Variants in CEBPZOS observed in about 807,000 individuals in gnomAD.
The protein encoded by CEBPZOS is CEBPZ opposite strand, also known as protein CEBPZOS.
A neutral mutation model predicts 4.8 loss-of-function variants in CEBPZOS; 10 were observed. The ratio of observed to expected loss-of-function variants is 2.07; its 90% CI spans 1.28 to 3.52. The LOEUF is 3.52. Ranked by LOEUF, CEBPZOS falls within the 30% of genes most tolerant of loss-of-function variation. CEBPZOS has a pLI of 0.00. For missense variants in CEBPZOS, 98 were observed against 43.6 expected (o/e 2.25, Z -3.51); for synonymous variants, 25 against 14.2 (o/e 1.77, Z -1.72).
chr2:37,207,430 A>AAAACTGAAATTGT (rs1284592016), downstream of CEBPZOS, among the ~76,000 whole-genome samples: 8 of 152,228 alleles, frequency 5.3e-5, no homozygotes, highest in South Asian at 2.1e-4. Flanking sequence ...TAAACTTAAG[A>AAAACTGAAATTGT]AAACTGAAAT....
chr2:37,198,486 A>G (rs2287093), intron 1 of CEBPZOS: 44,873 of 152,008 alleles, frequency 0.3, 8,208 homozygotes, highest in Non-Finnish European at 0.39. Flanking sequence ...GATTACACCC[A>G]CCCTCAGGCA....
downstream of CEBPZOS, among the ~76,000 whole-genome samples, chr2:37,207,657 ACATT>A (rs1469732202): frequency 6.6e-6 from 1 of 152,208 alleles, no homozygotes; most frequent in Admixed American, 6.5e-5. Flanking sequence ...AAGCGGCACT[ACATT>A]TAGTAAGTTC....
At position 37,203,814 on chromosome 2, in the gene CEBPZOS, A is replaced by G. The variant is rs1677405738; in HGVS notation, c.*1954A>G. The G allele has an allele frequency of 6.6e-6, 1 of 152,046 alleles. No homozygotes were observed. The highest frequency in any genetic ancestry group is 2.4e-5 in the African/African-American group (1 of 41,384). 9.4% of individuals were successfully genotyped at this position (152,046 alleles called of 1,614,324 possible). On this transcript the variant is annotated 3_prime_UTR_variant, in exon 5 of 5. Transcript: ENST00000402297. ...GGGATCATATGACATGTGGTTTCCTATATCTGACTTTTTTCATTTAGCATA... is the reference window on the plus strand; with the variant it reads ...GGGATCATATGACATGTGGTTTCCTGTATCTGACTTTTTTCATTTAGCATA...
intron 2 of CEBPZOS, 65 bp from the exon 3 acceptor site, chr2:37,200,983 G>A (rs1677200208): frequency 7.1e-6 from 5 of 702,300 alleles, no homozygotes; most frequent in Non-Finnish European, 1.1e-5. Flanking sequence ...GCATTAAATT[G>A]TGGCTGTGTT....
At chr2:37,211,791 G>A in intron 4 of CEBPZOS, 1 of 1,356,232 alleles carries the variant, frequency 7.4e-7, no homozygotes, top group Non-Finnish European at 1.0e-6. Context: ...CAAACTTAAG[G>A]CTAAGGAAGT....
At chr2:37,208,926 A>G (rs1677627494), downstream of CEBPZOS, 1 of 152,140 alleles carries the variant, frequency 6.6e-6, no homozygotes, top group Non-Finnish European at 1.5e-5. Flanking sequence ...GATCTGATAA[A>G]TAAATCCAGC....
downstream of CEBPZOS, chr2:37,215,185 C>T (rs1255180198): frequency 5.7e-6 from 2 of 353,946 alleles, no homozygotes; most frequent in Non-Finnish European, 1.0e-5. Context: ...CAGTACATAG[C>T]TGTCAGTGCC....
downstream of CEBPZOS, among the ~76,000 whole-genome samples, chr2:37,215,951 T>TA (rs201108820): frequency 6.1e-3 from 682 of 111,498 alleles, no homozygotes; most frequent in Middle Eastern, 0.014. Context: ...GTAATAAAGT[T>TA]AAAAAAAAAA....
At chr2:37,199,926 T>C in intron 2 of CEBPZOS, 107 bp downstream of exon 2, 1 of 634,536 alleles carries the variant, frequency 1.6e-6, no homozygotes, top group Non-Finnish European at 2.9e-6. Flanking sequence ...TTCTTCAGAT[T>C]CAAGATATTA....
chr2:37,206,099 T>C (rs1355923948), downstream of CEBPZOS, among the ~76,000 whole-genome samples: 1 of 152,214 alleles, frequency 6.6e-6, no homozygotes, highest in Non-Finnish European at 1.5e-5. Flanking sequence ...TCCAATCTGC[T>C]GGGGCCCTGG....
chr2:37,199,393 C>G (rs930152806), intron 1 of CEBPZOS, among the ~76,000 whole-genome samples: 3 of 152,112 alleles, frequency 2.0e-5, no homozygotes, highest in African/African-American at 4.8e-5. Context: ...ATTATCTTCC[C>G]CATTCTGTTT....
downstream of CEBPZOS, among the ~76,000 whole-genome samples, chr2:37,214,141 T>C (rs1677808697): frequency 6.6e-6 from 1 of 152,218 alleles, no homozygotes; most frequent in Non-Finnish European, 1.5e-5. Context: ...CAATAAAAAG[T>C]AGCTGGAATC....
downstream of CEBPZOS, among the ~76,000 whole-genome samples, chr2:37,207,178 TAGAC>T (rs949381888): frequency 3.3e-5 from 5 of 152,108 alleles, no homozygotes; most frequent in Admixed American, 6.6e-5. Flanking sequence ...CCTAAGAAAT[TAGAC>T]AGATGGCAAC....
At chr2:37,207,551 T>C (rs931365122), downstream of CEBPZOS, among the ~76,000 whole-genome samples, 4 of 152,206 alleles carry the variant, frequency 2.6e-5, no homozygotes, top group African/African-American at 9.7e-5. Flanking sequence ...TGCTCTTGAA[T>C]GATCTTTGTG....
At chr2:37,208,831 T>C (rs1218888565), downstream of CEBPZOS, 1 of 151,906 alleles carries the variant, frequency 6.6e-6, no homozygotes, top group African/African-American at 2.4e-5. Context: ...TTCAAATCAG[T>C]AAAGAGGAAG....
rs1366281679 is a variant in CEBPZOS at position 37,201,968 on chromosome 2, C to T, written c.*108C>T. On this transcript the variant is annotated 3_prime_UTR_variant, in exon 5 of 5. Transcript: ENST00000402297. ...GTAGACTCTTGGTGGTCCCACAGAA[C>T]ATGCTGCTGAGTCACAGGAACTTCT... 1.3e-6 allele frequency: 2 copies of T among 1,490,466 alleles called. No individual in the cohort carries two copies. Among genetic ancestry groups the T allele is most frequent in the African/African-American group, 2.8e-5 (2 of 71,174 alleles). 92.3% of individuals were successfully genotyped at this position (1,490,466 alleles called of 1,614,324 possible).
At chr2:37,215,772 A>G (rs984464412), downstream of CEBPZOS, among the ~76,000 whole-genome samples, 1 of 152,196 alleles carries the variant, frequency 6.6e-6, no homozygotes. Flanking sequence ...AGCTGATATT[A>G]GAGAGCTTTA....
chr2:37,202,016 C>G lies in CEBPZOS; in HGVS notation c.*156C>G, dbSNP rs961757763. 1.3e-5 allele frequency: 11 copies of G among 869,802 alleles called. No individual in the cohort carries two copies. Among genetic ancestry groups the G allele is most frequent in the Non-Finnish European group, 1.9e-5 (11 of 569,154 alleles). 53.9% of individuals were successfully genotyped at this position (869,802 alleles called of 1,614,324 possible). On this transcript the variant is annotated 3_prime_UTR_variant, in exon 5 of 5. Coordinates refer to ENST00000402297, the MANE Select transcript of CEBPZOS (RefSeq NM_001322374.2). ...TCTAGCCTGCCTTGGCCTGTGGTTT[C>G]CCACCCACTATACAAACCCACTGCT...
chr2:37,207,276 C>G (rs768722250), downstream of CEBPZOS, among the ~76,000 whole-genome samples: 27 of 152,252 alleles, frequency 1.8e-4, no homozygotes, highest in South Asian at 4.1e-4. Flanking sequence ...AAACAATGGA[C>G]TTAAACTATA....
Sources: allele counts gnomAD v4.1 joint callset (sites outside exome capture counted in the v4.1 genomes callset), GRCh38; gene constraint gnomAD v4.1.1; transcripts MANE v1.5; gene names NCBI Gene and HGNC (gene_info 2026-07-23, HGNC 2026-07-21).